Variants in DGLUCY observed in about 807,000 individuals in gnomAD.
DGLUCY encodes D-glutamate cyclase, also known as D-glutamate cyclase, mitochondrial.
A neutral mutation model predicts 58.5 loss-of-function variants in DGLUCY; 58 were observed. The observed-to-expected ratio is 0.99, with a 90% CI of 0.80 to 1.23. The LOEUF (loss-of-function observed/expected upper bound fraction) is 1.23, where lower values mean the gene tolerates loss of function less well. Ranked by LOEUF, DGLUCY falls within the 50% of genes most tolerant of loss-of-function variation. The pLI is 0.00. For synonymous variants in DGLUCY, 325 were observed against 314.1 expected, an observed-to-expected ratio of 1.03 and a Z score of -0.37; for missense variants, 779 against 784.7, an observed-to-expected ratio of 0.99 and a Z score of 0.09.
At chr14:91,062,994 T>C (rs906552970) in intron 1 of DGLUCY, among the ~76,000 whole-genome samples, 2 of 152,166 alleles carry the variant, frequency 1.3e-5, no homozygotes, top group Admixed American at 6.5e-5. Context: ...GCCTACAGTC[T>C]AGCAACAGAT....
chr14:91,198,538 G>A (rs950346161), intron 10 of DGLUCY, among the ~76,000 whole-genome samples: 2 of 151,846 alleles, frequency 1.3e-5, no homozygotes, highest in Non-Finnish European at 2.9e-5. Context: ...GTGGAGACAA[G>A]GTTTCACCAT....
chr14:91,122,695 C>T (rs1319773188), intron 1 of DGLUCY, among the ~76,000 whole-genome samples: 5 of 150,692 alleles, frequency 3.3e-5, no homozygotes, highest in South Asian at 2.1e-4. Context: ...CTCCACCTCC[C>T]GGGTTCAAGT....
At chr14:91,081,018 G>A (rs367636535) in intron 1 of DGLUCY, among the ~76,000 whole-genome samples, 14 of 152,066 alleles carry the variant, frequency 9.2e-5, no homozygotes, top group Admixed American at 3.3e-4. Flanking sequence ...CCTGGCCAAC[G>A]TGACGAAACC....
At chr14:91,077,418 A>G (rs1193808125) in intron 1 of DGLUCY, among the ~76,000 whole-genome samples, 13 of 127,322 alleles carry the variant, frequency 1.0e-4, no homozygotes, top group South Asian at 2.6e-4. Flanking sequence ...GAAAGAAAGA[A>G]GGAGGGAGGG....
chr14:91,085,998 C>A (rs1161346421), intron 1 of DGLUCY, among the ~76,000 whole-genome samples: 1 of 152,160 alleles, frequency 6.6e-6, no homozygotes, highest in Non-Finnish European at 1.5e-5. Context: ...TGTTTACAGT[C>A]GCTCCCCATC....
intron 9 of DGLUCY, among the ~76,000 whole-genome samples, chr14:91,191,953 GAT>G (rs1172356401): frequency 6.6e-6 from 1 of 152,182 alleles, no homozygotes; most frequent in Admixed American, 6.5e-5. Flanking sequence ...ATGAAAAACA[GAT>G]GGCAGTGGCT....
chr14:91,116,679 C>T (rs183648229), intron 1 of DGLUCY, among the ~76,000 whole-genome samples: 97 of 152,226 alleles, frequency 6.4e-4, no homozygotes, highest in African/African-American at 2.2e-3. Flanking sequence ...GGCGTGGTGG[C>T]TCATGCCTGA....
intron 1 of DGLUCY, among the ~76,000 whole-genome samples, chr14:91,115,944 C>T (rs983838711): frequency 1.3e-5 from 2 of 152,234 alleles, no homozygotes; most frequent in African/African-American, 4.8e-5. Flanking sequence ...CCTTGACCCA[C>T]CCCAAAACTT....
intron 3 of DGLUCY, 67 bp downstream of exon 3, chr14:91,160,464 CT>C (rs1177431940): frequency 1.2e-4 from 140 of 1,167,962 alleles, no homozygotes; most frequent in Non-Finnish European, 1.6e-4. Context: ...GAATTACCAG[CT>C]GTGTAGGGCC....
At chr14:91,076,621 T>C (rs1483934040) in intron 1 of DGLUCY, among the ~76,000 whole-genome samples, 1 of 152,140 alleles carries the variant, frequency 6.6e-6, no homozygotes, top group Non-Finnish European at 1.5e-5. Context: ...TCAAAGCTAC[T>C]GGGAAGGATC....
chr14:91,063,415 G>A (rs1014718397), intron 1 of DGLUCY, among the ~76,000 whole-genome samples: 3 of 152,162 alleles, frequency 2.0e-5, no homozygotes, highest in Non-Finnish European at 4.4e-5. Flanking sequence ...TTCAACTGCT[G>A]TAACAAAGGC....
chr14:91,074,062 G>A (rs1434782652), intron 1 of DGLUCY, among the ~76,000 whole-genome samples: 2 of 145,648 alleles, frequency 1.4e-5, no homozygotes, highest in East Asian at 2.0e-4. Context: ...TTGAGACCAG[G>A]CTGGGCAACA....
At chr14:91,197,847 T>C (rs984728769) in intron 10 of DGLUCY, among the ~76,000 whole-genome samples, 1 of 152,238 alleles carries the variant, frequency 6.6e-6, no homozygotes, top group African/African-American at 2.4e-5. Flanking sequence ...ATACTGCTGC[T>C]ATGAGCATGG....
intron 1 of DGLUCY, among the ~76,000 whole-genome samples, chr14:91,156,892 T>C (rs1028090806): frequency 6.6e-6 from 1 of 152,214 alleles, no homozygotes; most frequent in East Asian, 1.9e-4. Context: ...TAAAAGCATA[T>C]GGGCTGAAGA....
chr14:91,130,318 TTTA>T (rs1232992452), intron 1 of DGLUCY, among the ~76,000 whole-genome samples: 3 of 150,916 alleles, frequency 2.0e-5, no homozygotes, highest in Non-Finnish European at 3.0e-5. Flanking sequence ...TTTTTTTTTT[TTTA>T]GACAGAGTCT....
intron 12 of DGLUCY, among the ~76,000 whole-genome samples, chr14:91,205,362 C>T (rs1884381102): frequency 6.6e-6 from 1 of 152,184 alleles, no homozygotes; most frequent in Admixed American, 6.5e-5. Flanking sequence ...TGTTGCTCCT[C>T]TCCCGCAGGA....
chr14:91,123,564 C>T (rs932316592), intron 1 of DGLUCY, among the ~76,000 whole-genome samples: 1 of 151,978 alleles, frequency 6.6e-6, no homozygotes, highest in African/African-American at 2.4e-5. Context: ...AGTTTAGGTC[C>T]ATTGTAACAG....
At chr14:91,102,497 G>A (rs1207173051) in intron 1 of DGLUCY, among the ~76,000 whole-genome samples, 1 of 151,978 alleles carries the variant, frequency 6.6e-6, no homozygotes, top group African/African-American at 2.4e-5. Context: ...CCGGCCCCGG[G>A]ACTGTCGATG....
chr14:91,126,240 A>C (rs1328670448), intron 1 of DGLUCY, among the ~76,000 whole-genome samples: 1 of 152,168 alleles, frequency 6.6e-6, no homozygotes, highest in Admixed American at 6.5e-5. Flanking sequence ...TAGGGGGACT[A>C]TATTCCCTCT....
Sources: gnomAD v4.1 joint callset for allele counts (sites outside exome capture counted in the v4.1 genomes callset) on GRCh38, gnomAD v4.1.1 for gene constraint, MANE v1.5 for transcripts, NCBI Gene and HGNC (gene_info 2026-07-23, HGNC 2026-07-21) for gene names.